Variants in PRKN observed in about 807,000 individuals in gnomAD.
PRKN encodes the protein E3 ubiquitin-protein ligase parkin.
PRKN carries 56 observed loss-of-function variants against 59.5 expected under a neutral mutation model. The ratio of observed to expected loss-of-function variants is 0.94; its 90% CI spans 0.76 to 1.18. PRKN has a LOEUF of 1.18. Among genes scored for constraint, PRKN ranks in the 50% most tolerant of loss-of-function variants. PRKN has a pLI of 0.00. For missense variants in PRKN, 657 were observed against 596.4 expected, an observed-to-expected ratio of 1.10 and a Z score of -1.06; for synonymous variants, 250 against 222.1, an observed-to-expected ratio of 1.13 and a Z score of -1.12.
Position 161,495,409 on chromosome 6 carries a change from C to G in PRKN, c.1083+53445G>C, listed in dbSNP as rs9458288. On this transcript the variant is annotated intron_variant, in intron 9 of 11. Transcript: ENST00000366898. ...CTCCTCCCGTCTGCAGTATAAGAAG[C>G]CTTCACTGGGCACGTGTCTGCCAGG... is the stretch of plus-strand genomic sequence containing the variant. 7.3e-3 allele frequency among the ~76,000 whole-genome samples: 1,115 copies of G among 152,310 alleles called. 16 individuals carry two copies. Among genetic ancestry groups the G allele is most frequent in the African/African-American group, 0.025 (1,048 of 41,574 alleles).
At chr6:162,035,823 T>C (rs933077701) in intron 5 of PRKN, among the ~76,000 whole-genome samples, 2 of 152,154 alleles carry the variant, frequency 1.3e-5, no homozygotes, top group African/African-American at 4.8e-5. Context: ...ATTCAATAAA[T>C]GATGCATAAA....
intron 1 of PRKN, among the ~76,000 whole-genome samples, chr6:162,629,567 G>T (rs1325193937): frequency 1.3e-5 from 2 of 152,060 alleles, no homozygotes; most frequent in Non-Finnish European, 2.9e-5. Context: ...TTAATTAATT[G>T]ATAAAAGTTT....
At chr6:161,422,197 CTTT>C (rs527857631) in intron 9 of PRKN, among the ~76,000 whole-genome samples, 6 of 130,066 alleles carry the variant, frequency 4.6e-5, no homozygotes, top group African/African-American at 5.9e-5. Context: ...CAAATAAAAT[CTTT>C]TTTTTTTTTT....
intron 9 of PRKN, among the ~76,000 whole-genome samples, chr6:161,436,278 A>AGAGGAGGAGGCGGG (rs1562448101): frequency 3.9e-5 from 1 of 25,716 alleles, no homozygotes; most frequent in African/African-American, 1.3e-4. Context: ...AGGGGAGTGG[A>AGAGGAGGAGGCGGG]ATGGGAGGGA....
intron 7 of PRKN, among the ~76,000 whole-genome samples, chr6:161,750,378 A>T (rs902825818): frequency 2.6e-5 from 4 of 152,100 alleles, no homozygotes; most frequent in African/African-American, 9.7e-5. Context: ...TGTTGAAACT[A>T]ATGTGTTGGA....
At chr6:162,159,015 C>T (rs1282738398) in intron 4 of PRKN, among the ~76,000 whole-genome samples, 1 of 151,998 alleles carries the variant, frequency 6.6e-6, no homozygotes, top group African/African-American at 2.4e-5. Context: ...AACGCTAACC[C>T]TAAGCCTAGT....
In PRKN at chr6:161,529,277, T is replaced by C. The variant is rs1175801686; in HGVS notation, c.1083+19577A>G. On this transcript the variant is annotated intron_variant, in intron 9 of 11. Coordinates refer to ENST00000366898, the MANE Select transcript of PRKN (RefSeq NM_004562.3). This position sits in a 1 kb window ranked among gnomAD's most constrained non-coding sequence, Gnocchi z 4.4. ...GGTGAGAAGACAATGATGGGGATGA[T>C]GTTGACACCTGGTTGTGGCTGACGG... 2.0e-5 allele frequency among the ~76,000 whole-genome samples: 3 copies of C among 152,168 alleles called. No homozygotes were observed. The highest frequency in any genetic ancestry group is 4.4e-5 in the Non-Finnish European group (3 of 68,024).
At chr6:162,044,673 G>A (rs894699809) in intron 5 of PRKN, among the ~76,000 whole-genome samples, 1 of 152,104 alleles carries the variant, frequency 6.6e-6, no homozygotes, top group Admixed American at 6.5e-5. Context: ...GTAGGATTAC[G>A]GAATGCATGA....
chr6:162,494,962 G>A (rs1267286382), intron 1 of PRKN, among the ~76,000 whole-genome samples: 4 of 152,080 alleles, frequency 2.6e-5, no homozygotes, highest in African/African-American at 7.3e-5. Context: ...AAATGATGGC[G>A]AAGCCAAAAA....
intron 6 of PRKN, among the ~76,000 whole-genome samples, chr6:161,959,186 AAG>A (rs1780290821): frequency 6.6e-6 from 1 of 152,058 alleles, no homozygotes. Context: ...ATACAGAGAG[AAG>A]TACCACCCAG....
At chr6:161,820,094 G>A (rs1791958186) in intron 6 of PRKN, among the ~76,000 whole-genome samples, 1 of 152,086 alleles carries the variant, frequency 6.6e-6, no homozygotes, top group Non-Finnish European at 1.5e-5. Flanking sequence ...GTAAATGCTT[G>A]AAACTGTTTA....
chr6:161,913,068 G>C (rs1156979446), intron 6 of PRKN, among the ~76,000 whole-genome samples: 2 of 151,548 alleles, frequency 1.3e-5, no homozygotes, highest in African/African-American at 4.9e-5. Flanking sequence ...ATCCTCCCAG[G>C]GAGGCTGAGG....
intron 1 of PRKN, among the ~76,000 whole-genome samples, chr6:162,606,675 G>C (rs1162686027): frequency 1.3e-5 from 2 of 152,120 alleles, no homozygotes; most frequent in Non-Finnish European, 2.9e-5. Context: ...ATGAGGAAGA[G>C]AGAAGTTGCA....
intron 9 of PRKN, among the ~76,000 whole-genome samples, chr6:161,510,295 C>A (rs149378652): frequency 1.3e-5 from 2 of 151,886 alleles, no homozygotes; most frequent in Non-Finnish European, 2.9e-5. Flanking sequence ...ACAGGATGTG[C>A]GGTATCATGA....
chr6:161,725,633 T>C (rs1235177679), intron 7 of PRKN, among the ~76,000 whole-genome samples: 1 of 152,188 alleles, frequency 6.6e-6, no homozygotes, highest in Non-Finnish European at 1.5e-5. Flanking sequence ...GTGGCAGTCA[T>C]TATTGCCAAC....
At chr6:162,366,477 C>T (rs1785443449) in intron 2 of PRKN, among the ~76,000 whole-genome samples, 1 of 152,020 alleles carries the variant, frequency 6.6e-6, no homozygotes, top group African/African-American at 2.4e-5. Context: ...TTTAAATTTT[C>T]AAAAATAAAC....
chr6:162,598,522 G>A (rs1781574100), intron 1 of PRKN, among the ~76,000 whole-genome samples: 1 of 152,112 alleles, frequency 6.6e-6, no homozygotes, highest in African/African-American at 2.4e-5. Context: ...ATAAATAACA[G>A]AAAATATGAA....
chr6:161,838,227 T>G (rs536748378), intron 6 of PRKN, among the ~76,000 whole-genome samples: 106 of 152,308 alleles, frequency 7.0e-4, no homozygotes, highest in African/African-American at 2.5e-3. Context: ...TACTAGAAAA[T>G]TAAATAACTT....
At chr6:161,874,952 ACTT>A in intron 6 of PRKN, among the ~76,000 whole-genome samples, 1 of 109,460 alleles carries the variant, frequency 9.1e-6, no homozygotes, top group Non-Finnish European at 1.6e-5. Flanking sequence ...TATTATAGGT[ACTT>A]TATATATAAT....
Sources: gnomAD v4.1 joint callset for allele counts (sites outside exome capture counted in the v4.1 genomes callset) on GRCh38, gnomAD v4.1.1 for gene constraint, Gnocchi (gnomAD v3.1) non-coding constraint, MANE v1.5 for transcripts, NCBI Gene and HGNC (gene_info 2026-07-23, HGNC 2026-07-21) for gene names.